PYGO1: variants seen among roughly 807,000 people sequenced by gnomAD.
PYGO1 encodes the protein pygopus homolog 1.
PYGO1 carries 6 observed loss-of-function variants against 29.5 expected under a neutral mutation model. The observed-to-expected ratio is 0.20, with a 90% CI of 0.11 to 0.40. The LOEUF is 0.40. Ranked by LOEUF, PYGO1 falls within the 10% of genes least tolerant of loss-of-function variation. The pLI is 1.00. For missense variants in PYGO1, 515 were observed against 514.9 expected (o/e 1.00, Z 0.00); for synonymous variants, 186 against 180.5 (o/e 1.03, Z -0.24).
intron 1 of PYGO1, among the ~76,000 whole-genome samples, chr15:55,578,086 T>A (rs1283411147): frequency 6.6e-6 from 1 of 152,214 alleles, no homozygotes; most frequent in African/African-American, 2.4e-5. Context: ...ATAAATGGAA[T>A]CATACAATAT....
At chr15:55,587,628 G>A (rs1567062262) in intron 1 of PYGO1, among the ~76,000 whole-genome samples, 1 of 151,932 alleles carries the variant, frequency 6.6e-6, no homozygotes, top group Non-Finnish European at 1.5e-5. Context: ...AAAGTCGGGA[G>A]GCGAGGGATC....
rs564538742 is a variant in PYGO1, at chr15:55,542,961, CA to C, written c.*3061del. 7 of 147,766 alleles carry C rather than the reference CA, an allele frequency of 4.7e-5. No homozygotes were observed. Among genetic ancestry groups the C allele is most frequent in the Admixed American group, 2.0e-4 (3 of 14,818 alleles). 9.2% of individuals were successfully genotyped at this position (147,766 alleles called of 1,614,324 possible). On this transcript the variant is annotated 3_prime_UTR_variant, in exon 3 of 3. Coordinates refer to ENST00000563719, the MANE Select transcript of PYGO1 (RefSeq NM_001367806.1). ...ACAAAACAAAACAAAACAAAAAAAA[CA>C]AAAAAAAACCCACCTTTCTGTCAAT...
Position 55,545,528 on chromosome 15 carries a change from T to G in PYGO1, c.*495A>C, listed in dbSNP as rs1446316430. 1 of 152,472 alleles carries G rather than the reference T, an allele frequency of 6.6e-6. No individual in the cohort carries two copies. Among genetic ancestry groups the G allele is most frequent in the African/African-American group, 2.4e-5 (1 of 41,450 alleles). 9.4% of individuals were successfully genotyped at this position (152,472 alleles called of 1,614,324 possible). A position where few individuals can be genotyped will look rare whatever the true frequency, so the allele number is the denominator to read the frequency against. ...TCCAAAGACCCTAGTGGAGGAGGAA[T>G]CTGGTGTCATACTATTATTTTTTTA... On this transcript the variant is annotated 3_prime_UTR_variant, in exon 3 of 3. Transcript: ENST00000563719.
chr15:55,542,022 T>C lies in PYGO1; in HGVS notation c.*4001A>G, dbSNP rs2058829822. ...TAAATTTTTTTTTAATTGAAAAAGA[T>C]ATAAAACAGCACAAATGTCCATGCA... On this transcript the variant is annotated 3_prime_UTR_variant, in exon 3 of 3. Coordinates refer to ENST00000563719, the MANE Select transcript of PYGO1 (RefSeq NM_001367806.1). 6.6e-6 allele frequency: 1 copy of C among 152,152 alleles called. No homozygotes were observed. The highest frequency in any genetic ancestry group is 1.5e-5 in the Non-Finnish European group (1 of 68,010). The allele number at this position is 152,152 out of a possible 1,614,324, so 9.4% of individuals were successfully genotyped here. A position where few individuals can be genotyped will look rare whatever the true frequency, so the allele number is the denominator to read the frequency against.
intron 1 of PYGO1, among the ~76,000 whole-genome samples, chr15:55,565,448 A>G (rs1006236818): frequency 2.6e-5 from 4 of 152,142 alleles, no homozygotes; most frequent in African/African-American, 7.2e-5. Context: ...TCATGCCTGT[A>G]ATCCTAGCAC....
Position 55,560,611 on chromosome 15 carries a change from A to C in PYGO1, c.50-11616T>G, listed in dbSNP as rs59534767. On this transcript the variant is annotated intron_variant, in intron 1 of 2. Coordinates refer to ENST00000563719, the MANE Select transcript of PYGO1 (RefSeq NM_001367806.1). The stretch of plus-strand genomic sequence containing the variant: ...TGAAAATGGCCATACTGCCCAAAGT[A>C]ATTTATAGACTTGATGCTATTCTCA... Among the ~76,000 whole-genome samples the C allele has an allele frequency of 3.1e-3, 467 of 152,326 alleles. 3 individuals are homozygous for C. Among genetic ancestry groups the C allele is most frequent in the African/African-American group, 0.011 (454 of 41,580 alleles).
rs776620450 is a variant in PYGO1 at position 55,544,774 on chromosome 15, A to G, written c.*1249T>C. The G allele has an allele frequency of 3.9e-5, 6 of 152,044 alleles. No homozygotes were observed. The South Asian group carries it at 1.2e-3, about 32-fold the overall frequency. 9.4% of individuals were successfully genotyped at this position (152,044 alleles called of 1,614,324 possible). ...TGTATAAATTGCCATTAGCTGTCAA[A>G]CAGCACACATTTTTTTTTTTTGGCC... On this transcript the variant is annotated 3_prime_UTR_variant, in exon 3 of 3. Coordinates refer to ENST00000563719, the MANE Select transcript of PYGO1 (RefSeq NM_001367806.1).
chr15:55,575,452 A>C (rs2058997491), intron 1 of PYGO1, among the ~76,000 whole-genome samples: 2 of 152,206 alleles, frequency 1.3e-5, no homozygotes, highest in Non-Finnish European at 2.9e-5. Flanking sequence ...TTTGTAGGAA[A>C]TAGACATGCT....
chr15:55,563,661 C>A (rs926531079), intron 1 of PYGO1, among the ~76,000 whole-genome samples: 3 of 152,100 alleles, frequency 2.0e-5, no homozygotes, highest in African/African-American at 7.2e-5. Flanking sequence ...CAAATAAATT[C>A]TTTAGTGGAG....
At position 55,545,429 on chromosome 15, in the gene PYGO1, A is replaced by G. The variant is rs2058845246; in HGVS notation, c.*594T>C. ...CAACAATACTTACTGAGAATTTACT[A>G]TATGCTAAGATCTGTCTCGTATCTG... On this transcript the variant is annotated 3_prime_UTR_variant, in exon 3 of 3. Coordinates refer to ENST00000563719, the MANE Select transcript of PYGO1 (RefSeq NM_001367806.1). 6.6e-6 allele frequency: 1 copy of G among 152,218 alleles called. No individual in the cohort carries two copies. The highest frequency in any genetic ancestry group is 2.4e-5 in the African/African-American group (1 of 41,450). 9.4% of individuals were successfully genotyped at this position (152,218 alleles called of 1,614,324 possible).
At chr15:55,548,707 TAAAAAAAAAAAAAAAAAAAAAAA>T (rs60796044) in intron 2 of PYGO1, among the ~76,000 whole-genome samples, 180 bp downstream of exon 2, 4,645 of 55,476 alleles carry the variant, frequency 0.084, 166 homozygotes, top group East Asian at 0.27. Context: ...AGAATCCACC[TAAAAAAAAAAAAAAAAAAAAAAA>T]AAAAAAAAAA....
chr15:55,584,720 C>T (rs1298767058), intron 1 of PYGO1, among the ~76,000 whole-genome samples: 1 of 152,140 alleles, frequency 6.6e-6, no homozygotes, highest in Non-Finnish European at 1.5e-5. Context: ...TACCTGTCCT[C>T]ATAGATCTGT....
chr15:55,560,273 T>C (rs1176430084), intron 1 of PYGO1, among the ~76,000 whole-genome samples: 1 of 152,132 alleles, frequency 6.6e-6, no homozygotes, highest in East Asian at 1.9e-4. Context: ...ATGATATATC[T>C]AGAAAACCCC....
In PYGO1 at chr15:55,544,024, C is replaced by A. The variant is rs1466678036; in HGVS notation, c.*1999G>T. On this transcript the variant is annotated 3_prime_UTR_variant, in exon 3 of 3. Transcript: ENST00000563719. Reference sequence around the variant, plus strand: ...CCTGCTTCAACTGGTAAAGTTTTCACACAAAGGAGTACCTAGAAGTATAGT... The same window carrying A: ...CCTGCTTCAACTGGTAAAGTTTTCAAACAAAGGAGTACCTAGAAGTATAGT... The A allele has an allele frequency of 6.6e-6, 1 of 152,142 alleles. No homozygotes were observed. The highest frequency in any genetic ancestry group is 2.4e-5 in the African/African-American group (1 of 41,422). The allele number at this position is 152,142 out of a possible 1,614,324, so 9.4% of individuals were successfully genotyped here.
Position 55,540,568 on chromosome 15 carries a change from A to C in PYGO1, c.*5455T>G, listed in dbSNP as rs766696682. 2.1e-4 allele frequency: 32 copies of C among 152,290 alleles called. No homozygotes were observed. The highest frequency in any genetic ancestry group is 4.4e-4 in the Non-Finnish European group (30 of 67,982). 9.4% of individuals were successfully genotyped at this position (152,290 alleles called of 1,614,324 possible). ...TTTGAAAGACATCAGGCCATCTATT[A>C]ATCCATAAATATTGATGTTTCACAT... On this transcript the variant is annotated 3_prime_UTR_variant, in exon 3 of 3. Transcript: ENST00000563719.
chr15:55,587,384 G>A (rs564097090), intron 1 of PYGO1, among the ~76,000 whole-genome samples: 52 of 149,134 alleles, frequency 3.5e-4, no homozygotes, highest in African/African-American at 1.0e-3. Flanking sequence ...GTGGGGGGGC[G>A]AGAAGGGGGC....
intron 1 of PYGO1, among the ~76,000 whole-genome samples, chr15:55,557,049 T>G (rs1054036902): frequency 6.6e-6 from 1 of 151,858 alleles, no homozygotes; most frequent in East Asian, 1.9e-4. Context: ...TACAGCCAAA[T>G]TCTACCAGAG....
intron 1 of PYGO1, among the ~76,000 whole-genome samples, chr15:55,572,995 G>C: frequency 7.2e-6 from 1 of 139,030 alleles, no homozygotes; most frequent in East Asian, 2.1e-4. Context: ...TCAACACAGT[G>C]AGACTCTGTC....
rs759556120 is a variant in PYGO1, at chr15:55,547,729, T to C, written c.136-582A>G. 5.3e-4 allele frequency among the ~76,000 whole-genome samples: 80 copies of C among 152,358 alleles called. 1 individual carries two copies. The highest frequency in any genetic ancestry group is 3.4e-3 in the Middle Eastern group (1 of 294). ...CAAAATGATAAAAAGATCAGTAATCTGTACACACATACTTACTAGTAGCCT... is the reference window on the plus strand; with the variant it reads ...CAAAATGATAAAAAGATCAGTAATCCGTACACACATACTTACTAGTAGCCT... On this transcript the variant is annotated intron_variant, in intron 2 of 2. Transcript: ENST00000563719.
Sources: allele counts gnomAD v4.1 joint callset (sites outside exome capture counted in the v4.1 genomes callset), GRCh38; gene constraint gnomAD v4.1.1; transcripts MANE v1.5; gene names NCBI Gene and HGNC (gene_info 2026-07-23, HGNC 2026-07-21).